The following GRM7 variants were observed in gnomAD, a reference collection of about 807,000 sequenced individuals.
GRM7 encodes the protein glutamate metabotropic receptor 7.
GRM7 carries 35 observed loss-of-function variants against 84.5 expected under a neutral mutation model. That is an observed-to-expected ratio of 0.41 (90% CI 0.32 to 0.55). The LOEUF (loss-of-function observed/expected upper bound fraction) is 0.55, where lower values mean the gene tolerates loss of function less well. Among genes scored for constraint, GRM7 ranks in the 20% least tolerant of loss-of-function variants. GRM7 has a pLI of 0.19. For missense variants in GRM7, 1,003 were observed against 1,194.6 expected, an observed-to-expected ratio of 0.84 and a Z score of 2.36; for synonymous variants, 487 against 455.1, an observed-to-expected ratio of 1.07 and a Z score of -0.89.
chr3:7,008,839 G>T (rs908189192), intron 1 of GRM7, among the ~76,000 whole-genome samples: 6 of 152,068 alleles, frequency 3.9e-5, no homozygotes, highest in African/African-American at 1.4e-4. Flanking sequence ...GCCAGTGAAT[G>T]AGACTCGAAT....
In GRM7 at chr3:7,672,171, GA is replaced by G. The variant is rs564861482; in HGVS notation, c.2452-7877del. 9.0e-4 allele frequency among the ~76,000 whole-genome samples: 137 copies of G among 152,116 alleles called. 2 individuals carry two copies. In the South Asian group the frequency reaches 0.026, roughly 29 times the overall value. On this transcript the variant is annotated intron_variant, in intron 8 of 9. Transcript: ENST00000357716. ...TTTCATACTTTAGCAAAAACCCTCA[GA>G]GTACTGACCTTCAGGATGGCTGAAA...
chr3:7,054,137 A>G (rs1030357414), intron 1 of GRM7, among the ~76,000 whole-genome samples: 11 of 150,160 alleles, frequency 7.3e-5, no homozygotes, highest in Non-Finnish European at 1.0e-4. Flanking sequence ...AGTTCATTTG[A>G]TTTTTCTATA....
chr3:6,986,867 T>G (rs12636407), intron 1 of GRM7, among the ~76,000 whole-genome samples: 38,229 of 152,130 alleles, frequency 0.25, 6,675 homozygotes, highest in African/African-American at 0.49. Context: ...GAGGGATGAA[T>G]CTGGTCATCT....
At position 7,454,551 on chromosome 3, in the gene GRM7, CT is replaced by C. The variant is rs201601954; in HGVS notation, c.1375+1745del. On this transcript the variant is annotated intron_variant, in intron 6 of 9. Coordinates refer to ENST00000357716, the MANE Select transcript of GRM7 (RefSeq NM_000844.4). ...GAAAATAGTATCTGACTATATAAGG[CT>C]GAAGACAAAATAACTGTACACATAT... is the stretch of plus-strand genomic sequence containing the variant. 4.7e-3 allele frequency among the ~76,000 whole-genome samples: 718 copies of C among 151,984 alleles called. 13 individuals carry two copies. In the South Asian group the frequency reaches 0.048, roughly 10 times the overall value.
At chr3:7,024,612 G>C (rs1318367292) in intron 1 of GRM7, among the ~76,000 whole-genome samples, 2 of 152,232 alleles carry the variant, frequency 1.3e-5, no homozygotes, top group African/African-American at 4.8e-5. Flanking sequence ...GAGATGCCGA[G>C]TGTGACGACA....
In GRM7 at chr3:7,452,611, G is replaced by C; in HGVS notation, c.1179G>C (p.Gln393His). The change falls in exon 6 of 10, where the codon CAG (glutamine) becomes CAC (histidine). Residue 393 changes from glutamine to histidine, a missense_variant. This residue lies in a region of GRM7 where 910 missense variants were observed against 1,126.0 expected (regional missense o/e 0.81). Coordinates refer to ENST00000357716, the MANE Select transcript of GRM7 (RefSeq NM_000844.4). The part of the protein sequence containing the change: ...KEDTDRKCTG[Q>H]ERIGKDSNYE... ...GTTTCTTGTTTTAATGTGCAGGACA[G>C]GAGAGAATTGGAAAAGATTCCAACT... 6.3e-7 allele frequency: 1 copy of C among 1,596,746 alleles called. No individual in the cohort carries two copies. Among genetic ancestry groups the C allele is most frequent in the Non-Finnish European group, 8.6e-7 (1 of 1,164,434 alleles).
intron 1 of GRM7, among the ~76,000 whole-genome samples, chr3:6,922,346 C>G (rs1181047038): frequency 6.6e-6 from 1 of 152,136 alleles, no homozygotes; most frequent in Non-Finnish European, 1.5e-5. Flanking sequence ...TAAGTGAAGT[C>G]TTCTAGCTTT....
intron 1 of GRM7, among the ~76,000 whole-genome samples, chr3:6,888,256 T>C (rs1169035323): frequency 6.6e-6 from 1 of 152,180 alleles, no homozygotes; most frequent in Non-Finnish European, 1.5e-5. Flanking sequence ...TTTGTCAATT[T>C]TGTCTTTTGT....
At chr3:7,040,432 A>T (rs1455925649) in intron 1 of GRM7, among the ~76,000 whole-genome samples, 1 of 152,020 alleles carries the variant, frequency 6.6e-6, no homozygotes, top group African/African-American at 2.4e-5. Context: ...CCTTCCGAGT[A>T]GCTGGGACTA....
intron 4 of GRM7, among the ~76,000 whole-genome samples, chr3:7,315,340 A>G (rs2125046448): frequency 6.6e-6 from 1 of 152,290 alleles, no homozygotes; most frequent in Non-Finnish European, 1.5e-5. Context: ...TCTATTTTAC[A>G]TAGGTACTTT....
chr3:7,197,363 C>A (rs1392488803), intron 2 of GRM7, among the ~76,000 whole-genome samples: 1 of 152,114 alleles, frequency 6.6e-6, no homozygotes, highest in Non-Finnish European at 1.5e-5. Flanking sequence ...CATCTTTTAT[C>A]CTCACTATTC....
At position 7,188,834 on chromosome 3, in the gene GRM7, C is replaced by G. The variant is rs1460860960; in HGVS notation, c.736+42166C>G. On this transcript the variant is annotated intron_variant, in intron 2 of 9. Transcript: ENST00000357716. The surrounding 1 kb of genome is among the most constrained non-coding windows in gnomAD (Gnocchi z 4.2). Reference sequence around the variant, plus strand: ...GTGACTCATGATCATTGCATCCAAGCAGTGAAGGGAGAGACAGAGTAAAAG... The same window carrying G: ...GTGACTCATGATCATTGCATCCAAGGAGTGAAGGGAGAGACAGAGTAAAAG... Among the ~76,000 whole-genome samples the G allele has an allele frequency of 9.9e-5, 15 of 152,136 alleles. No individual in the cohort carries two copies. The highest frequency in any genetic ancestry group is 9.8e-4 in the Admixed American group (15 of 15,270).
intron 4 of GRM7, among the ~76,000 whole-genome samples, chr3:7,326,869 C>G (rs1024008452): frequency 2.0e-5 from 3 of 151,752 alleles, no homozygotes; most frequent in Non-Finnish European, 4.4e-5. Context: ...AATTATTTTG[C>G]CCACAATCTA....
At chr3:7,072,560 A>G (rs966819750) in intron 1 of GRM7, among the ~76,000 whole-genome samples, 1 of 151,912 alleles carries the variant, frequency 6.6e-6, no homozygotes, top group Non-Finnish European at 1.5e-5. Context: ...GGTGGTGCAT[A>G]CCTGCAGTCC....
At chr3:7,114,766 G>T (rs1200067371) in intron 1 of GRM7, among the ~76,000 whole-genome samples, 1 of 152,148 alleles carries the variant, frequency 6.6e-6, no homozygotes. Flanking sequence ...AACATAGCAG[G>T]TCTGGGGTAA....
At chr3:7,440,133 C>A (rs1358748328) in intron 5 of GRM7, among the ~76,000 whole-genome samples, 1 of 152,100 alleles carries the variant, frequency 6.6e-6, no homozygotes, top group Non-Finnish European at 1.5e-5. Context: ...GAGGCTTGTC[C>A]AGTGGGCAGT....
chr3:7,548,902 CTT>C (rs980784440), intron 7 of GRM7, among the ~76,000 whole-genome samples: 3 of 152,186 alleles, frequency 2.0e-5, no homozygotes, highest in African/African-American at 7.2e-5. Context: ...AATCAGGACA[CTT>C]TTCACAGAGC....
intron 8 of GRM7, among the ~76,000 whole-genome samples, chr3:7,593,103 G>A (rs1695871532): frequency 6.6e-6 from 1 of 152,158 alleles, no homozygotes; most frequent in Non-Finnish European, 1.5e-5. Flanking sequence ...ATACAGCACT[G>A]ACTCAACAAT....
intron 4 of GRM7, among the ~76,000 whole-genome samples, chr3:7,320,081 A>G (rs1395312063): frequency 6.6e-6 from 1 of 151,988 alleles, no homozygotes; most frequent in African/African-American, 2.4e-5. Flanking sequence ...TATTTATCAT[A>G]CAGTAAATAC....
Sources: allele counts gnomAD v4.1 joint callset (sites outside exome capture counted in the v4.1 genomes callset), GRCh38; gene constraint gnomAD v4.1.1; regional missense constraint gnomAD v4.1.1; non-coding constraint Gnocchi (gnomAD v3.1); transcripts MANE v1.5; gene names NCBI Gene and HGNC (gene_info 2026-07-23, HGNC 2026-07-21).